Variants in WNK1 observed in about 807,000 individuals in gnomAD.
WNK1 encodes WNK lysine deficient protein kinase 1.
In WNK1, 38 loss-of-function variants were observed where a neutral mutation model predicts 222.8. The observed-to-expected ratio is 0.17, with a 90% CI of 0.13 to 0.22. The LOEUF is 0.22. WNK1 is among the 10% of genes least tolerant of loss of function. WNK1 has a pLI of 1.00. For synonymous variants in WNK1, 1,090 were observed against 1,092.9 expected (o/e 1.00, Z 0.05); for missense variants, 2,348 against 2,918.4 (o/e 0.80, Z 4.50).
chr12:864,091 T>C (rs1469077616), intron 8 of WNK1, among the ~76,000 whole-genome samples: 6 of 151,492 alleles, frequency 4.0e-5, no homozygotes, highest in Non-Finnish European at 7.4e-5. Flanking sequence ...TTAAACCCTG[T>C]GCCTGAACAT....
chr12:906,815 G>A (rs1214501967), intron 26 of WNK1: 1 of 926,076 alleles, frequency 1.1e-6, no homozygotes, highest in Non-Finnish European at 1.3e-6. Flanking sequence ...TGACATGGCA[G>A]GATTGCCTGA....
chr12:892,485 G>C (rs528330591), intron 22 of WNK1, among the ~76,000 whole-genome samples: 58 of 152,192 alleles, frequency 3.8e-4, no homozygotes, highest in African/African-American at 1.4e-3. Flanking sequence ...GAGGTGTTAA[G>C]TTCAATGTCT....
intron 4 of WNK1, among the ~76,000 whole-genome samples, chr12:832,736 G>C (rs1294279264): frequency 6.6e-6 from 1 of 152,212 alleles, no homozygotes; most frequent in African/African-American, 2.4e-5. Context: ...AGGCCTTACT[G>C]TTAAATTTAT....
intron 25 of WNK1, among the ~76,000 whole-genome samples, chr12:899,222 G>A (rs148895320): frequency 1.2e-3 from 176 of 152,284 alleles, no homozygotes; most frequent in African/African-American, 4.2e-3. Flanking sequence ...GCACATTAGG[G>A]CCAGTTCATG....
chr12:802,023 C>T (rs1945929487), intron 1 of WNK1, among the ~76,000 whole-genome samples: 1 of 151,994 alleles, frequency 6.6e-6, no homozygotes, highest in Admixed American at 6.6e-5. Flanking sequence ...AGTTTTTCTG[C>T]ATGTAAGAAT....
At chr12:840,843 A>G (rs933566025) in intron 4 of WNK1, among the ~76,000 whole-genome samples, 2 of 152,260 alleles carry the variant, frequency 1.3e-5, no homozygotes, top group African/African-American at 2.4e-5. Context: ...GCAAACAAGT[A>G]GCTACTTAAC....
chr12:810,102 T>C (rs1420602603), intron 1 of WNK1, among the ~76,000 whole-genome samples: 1 of 151,956 alleles, frequency 6.6e-6, no homozygotes, highest in East Asian at 1.9e-4. Flanking sequence ...ATACAAAAAT[T>C]AGCCAGGTGT....
chr12:882,095 G>A (rs1953215032), intron 14 of WNK1, 22 bp downstream of exon 14: 2 of 1,588,754 alleles, frequency 1.3e-6, no homozygotes, highest in South Asian at 2.3e-5. Context: ...TAATTTGTGA[G>A]TTTCATGTTG....
chr12:887,339 C>T (rs1197301932), intron 20 of WNK1, 35 bp downstream of exon 20: 2 of 1,607,172 alleles, frequency 1.2e-6, no homozygotes, highest in Admixed American at 3.3e-5. Context: ...TTCCTGTGCC[C>T]TACTTTCTTT....
At chr12:801,077 C>G (rs1286101961) in intron 1 of WNK1, among the ~76,000 whole-genome samples, 2 of 152,182 alleles carry the variant, frequency 1.3e-5, no homozygotes, top group Non-Finnish European at 2.9e-5. Flanking sequence ...CCATTTGTAT[C>G]TGCTGATGGC....
intron 1 of WNK1, among the ~76,000 whole-genome samples, chr12:794,136 A>T (rs1409698729): frequency 6.6e-6 from 1 of 152,098 alleles, no homozygotes; most frequent in Non-Finnish European, 1.5e-5. Context: ...TTGTATGGAG[A>T]TACCATTGTG....
At chr12:898,866 T>G (rs1954977096) in intron 25 of WNK1, among the ~76,000 whole-genome samples, 1 of 152,046 alleles carries the variant, frequency 6.6e-6, no homozygotes, top group African/African-American at 2.4e-5. Context: ...CAGCCCCGCA[T>G]AGTAGCTGGG....
At chr12:807,284 C>T (rs566285800) in intron 1 of WNK1, among the ~76,000 whole-genome samples, 1 of 139,538 alleles carries the variant, frequency 7.2e-6, no homozygotes, top group Non-Finnish European at 1.5e-5. Flanking sequence ...AGAGTGAGAC[C>T]CTGTCTCTGT....
At chr12:859,586 T>A in intron 6 of WNK1, 122 bp downstream of exon 6, 1 of 719,422 alleles carries the variant, frequency 1.4e-6, no homozygotes, top group South Asian at 1.9e-5. Context: ...AAAATTGTGA[T>A]GGCCCTAAAA....
At chr12:759,351 G>A (rs1364768217) in intron 1 of WNK1, among the ~76,000 whole-genome samples, 2 of 146,474 alleles carry the variant, frequency 1.4e-5, no homozygotes, top group African/African-American at 4.9e-5. Flanking sequence ...TTGTTTTTGA[G>A]ACAGAGTCTC....
intron 9 of WNK1, among the ~76,000 whole-genome samples, chr12:873,158 C>CA (rs1305105038): frequency 6.6e-6 from 1 of 152,210 alleles, no homozygotes. Context: ...TGTAGACGAA[C>CA]ACCAATGAAC....
intron 4 of WNK1, among the ~76,000 whole-genome samples, chr12:853,489 G>A (rs1013921562): frequency 6.6e-6 from 1 of 152,144 alleles, no homozygotes; most frequent in Non-Finnish European, 1.5e-5. Context: ...ACTTCAAGGA[G>A]CTTTGAACCC....
In WNK1 at chr12:753,525, C is replaced by G. The variant is rs1196493079; in HGVS notation, c.-41C>G. The G allele has an allele frequency of 6.2e-7, 1 of 1,610,398 alleles. No individual in the cohort carries two copies. Among genetic ancestry groups the G allele is most frequent in the Non-Finnish European group, 8.5e-7 (1 of 1,179,580 alleles). ...CTCGGCCCTTCACGCCCTTTTCGTTCACGAATCCGAGCCCGCTCGCCTCTC... is the reference window on the plus strand; with the variant it reads ...CTCGGCCCTTCACGCCCTTTTCGTTGACGAATCCGAGCCCGCTCGCCTCTC... On this transcript the variant is annotated 5_prime_UTR_variant, in exon 1 of 28. Transcript: ENST00000315939. This position sits in a 1 kb window ranked among gnomAD's most constrained non-coding sequence, Gnocchi z 5.2.
chr12:880,651 A>G, intron 11 of WNK1, 70 bp from the exon 12 acceptor site: 3 of 1,402,954 alleles, frequency 2.1e-6, no homozygotes, highest in Admixed American at 2.0e-5. Context: ...TTTTTTTTGC[A>G]TGTCTTGCTG....
Sources: gnomAD v4.1 joint callset for allele counts (sites outside exome capture counted in the v4.1 genomes callset) on GRCh38, gnomAD v4.1.1 for gene constraint, Gnocchi (gnomAD v3.1) non-coding constraint, MANE v1.5 for transcripts, NCBI Gene and HGNC (gene_info 2026-07-23, HGNC 2026-07-21) for gene names.